TNRC6A: variants seen among roughly 807,000 people sequenced by gnomAD.
TNRC6A encodes trinucleotide repeat-containing gene 6A protein.
Under a neutral mutation model 221.2 loss-of-function variants are expected in TNRC6A, and 44 were observed. The observed-to-expected ratio is 0.20, with a 90% CI of 0.16 to 0.26. The LOEUF (loss-of-function observed/expected upper bound fraction) is 0.26, where lower values mean the gene tolerates loss of function less well. TNRC6A is among the 10% of genes least tolerant of loss of function. The probability of loss-of-function intolerance (pLI) is 1.00; values close to 1 mark genes in which losing one functional copy is unlikely to be tolerated. For missense variants in TNRC6A, 2,199 were observed against 2,404.4 expected, an observed-to-expected ratio of 0.91 and a Z score of 1.79; for synonymous variants, 847 against 838.5, an observed-to-expected ratio of 1.01 and a Z score of -0.18.
rs754042982 is a variant in TNRC6A, at chr16:24,789,397, A to G, written c.755A>G (p.Glu252Gly). 1.2e-6 allele frequency: 2 copies of G among 1,614,150 alleles called. No homozygotes were observed. Among genetic ancestry groups the G allele is most frequent in the Non-Finnish European group, 1.7e-6 (2 of 1,180,052 alleles). Residue 252 changes from glutamate (E) to glycine (G), a missense_variant, in exon 6 of 25, where the codon GAA (glutamate) becomes GGA (glycine). Transcript: ENST00000395799. ...GGCAGTGATCCGGAGTTGGCTTCAG[A>G]ATGTATGGATGCTGATTCTGCCTCC... Reference protein sequence around the residue: ...APGSDPELASECMDADSASSS... With the variant: ...APGSDPELASGCMDADSASSS...
upstream of TNRC6A, among the ~76,000 whole-genome samples, chr16:24,726,211 G>A (rs1239830229): frequency 6.6e-6 from 1 of 152,074 alleles, no homozygotes; most frequent in Non-Finnish European, 1.5e-5. Context: ...TGCATTCAGA[G>A]AGTACTTAAA....
At chr16:24,730,918 C>A (rs957131647) in intron 2 of TNRC6A, among the ~76,000 whole-genome samples, 3 of 151,844 alleles carry the variant, frequency 2.0e-5, no homozygotes, top group Non-Finnish European at 4.4e-5. Flanking sequence ...AATCTTTTCT[C>A]CAGAAGAGGT....
intron 4 of TNRC6A, among the ~76,000 whole-genome samples, chr16:24,758,736 C>T (rs2057302694): frequency 6.6e-6 from 1 of 152,108 alleles, no homozygotes; most frequent in South Asian, 2.1e-4. Flanking sequence ...AGTTCTGCCT[C>T]CTTTATTTCT....
rs761772695 is a variant in TNRC6A at position 24,822,135 on chromosome 16, C to T, written c.5361C>T (p.Asn1787=). The stretch of plus-strand genomic sequence containing the variant: ...TAACAAATTGGCTTGTTCTAAAAAA[C>T]CTTACACCTCAGGTAAGGATACCAG... The part of the protein sequence containing the change: ...GRITNWLVLK[N]LTPQIDGSTL... Residue 1787 remains asparagine, a synonymous_variant, in exon 23 of 25, where the codon AAC becomes AAT. Coordinates refer to ENST00000395799, the MANE Select transcript of TNRC6A (RefSeq NM_014494.4). 2.5e-6 allele frequency: 4 copies of T among 1,613,968 alleles called. No homozygotes were observed. The highest frequency in any genetic ancestry group is 3.4e-6 in the Non-Finnish European group (4 of 1,179,998).
intron 11 of TNRC6A, among the ~76,000 whole-genome samples, chr16:24,802,685 C>A (rs1167779967): frequency 2.6e-5 from 4 of 152,028 alleles, no homozygotes; most frequent in African/African-American, 9.7e-5. Context: ...CTGCTGATAC[C>A]CTGATAGTGA....
In TNRC6A at chr16:24,790,353, G is replaced by A. The variant is rs2058071581; in HGVS notation, c.1711G>A (p.Gly571Ser). ...CTTTCAAGTTAACACAAACAAAGGA[G>A]GTGGTGTGTGGGAATCTGGTGCAGC... is the stretch of plus-strand genomic sequence containing the variant. ...TNFQVNTNKG[G>S]GVWESGAANS... Residue 571 changes from glycine (G) to serine (S), a missense_variant, in exon 6 of 25, where the codon GGT (glycine) becomes AGT (serine). Physicochemically the swap from Gly to Ser is moderately conservative, Grantham distance 56. This residue lies in a region of TNRC6A where 1,405 missense variants were observed against 1,400.2 expected (regional missense o/e 1.00). Transcript: ENST00000395799. 1 of 1,614,224 alleles carries A rather than the reference G, an allele frequency of 6.2e-7. No individual in the cohort carries two copies. The highest frequency in any genetic ancestry group is 1.1e-5 in the South Asian group (1 of 91,090).
chr16:24,664,394 C>A (rs2055100477), intron 2 of TNRC6A, among the ~76,000 whole-genome samples: 1 of 142,188 alleles, frequency 7.0e-6, no homozygotes, highest in Non-Finnish European at 1.5e-5. Flanking sequence ...TTAATAAATT[C>A]ATATTATAAA....
chr16:24,724,526 A>C (rs1166083350), intron 2 of TNRC6A, among the ~76,000 whole-genome samples: 1 of 152,116 alleles, frequency 6.6e-6, no homozygotes, highest in Non-Finnish European at 1.5e-5. Flanking sequence ...CAGGCGGATC[A>C]CCTGAGCTCA....
intron 5 of TNRC6A, among the ~76,000 whole-genome samples, chr16:24,783,401 T>G (rs1037660077): frequency 6.6e-6 from 1 of 152,232 alleles, no homozygotes; most frequent in Non-Finnish European, 1.5e-5. Flanking sequence ...AGTGCTGGGA[T>G]TACAGGCATG....
intron 1 of TNRC6A, among the ~76,000 whole-genome samples, chr16:24,634,061 C>T (rs1901494911): frequency 6.6e-6 from 1 of 152,120 alleles, no homozygotes; most frequent in Non-Finnish European, 1.5e-5. Flanking sequence ...GCATGACAGG[C>T]GTGAGCCACT....
intron 2 of TNRC6A, chr16:24,663,971 A>G (rs968212857): frequency 2.2e-6 from 1 of 456,668 alleles, no homozygotes; most frequent in Non-Finnish European, 4.4e-6. Context: ...TGAGATGTGC[A>G]GGGTTTAACC....
intron 4 of TNRC6A, among the ~76,000 whole-genome samples, chr16:24,764,783 T>A (rs1387855030): frequency 4.6e-5 from 7 of 152,188 alleles, no homozygotes; most frequent in African/African-American, 1.7e-4. Flanking sequence ...AGAGAATCTG[T>A]TCCAAGCCTC....
intron 2 of TNRC6A, among the ~76,000 whole-genome samples, chr16:24,667,159 T>C (rs891085340): frequency 6.6e-6 from 1 of 152,146 alleles, no homozygotes; most frequent in African/African-American, 2.4e-5. Context: ...CTTTACTGCT[T>C]ATGAGTCCAT....
chr16:24,816,620 A>G (rs907866785), intron 19 of TNRC6A, 196 bp from the exon 20 acceptor site: 4 of 620,962 alleles, frequency 6.4e-6, no homozygotes, highest in Non-Finnish European at 1.0e-5. Context: ...TCAGTTGTAA[A>G]AACTTGCAAG....
At chr16:24,669,444 G>A (rs2141982803) in intron 2 of TNRC6A, among the ~76,000 whole-genome samples, 1 of 151,626 alleles carries the variant, frequency 6.6e-6, no homozygotes, top group Non-Finnish European at 1.5e-5. Context: ...AGCTCAGATT[G>A]CAACACTGCA....
At chr16:24,730,942 G>A (rs1270900456) in intron 2 of TNRC6A, among the ~76,000 whole-genome samples, 3 of 150,276 alleles carry the variant, frequency 2.0e-5, no homozygotes, top group Admixed American at 6.7e-5. Flanking sequence ...CGTTCCTGTT[G>A]GGCCCTGCTG....
At chr16:24,817,869 G>A (rs73551557) in intron 20 of TNRC6A, among the ~76,000 whole-genome samples, 7 of 152,252 alleles carry the variant, frequency 4.6e-5, no homozygotes, top group African/African-American at 1.7e-4. Flanking sequence ...AAATTCTCAT[G>A]GCGTGGGAGT....
At chr16:24,738,178 T>G (rs966693560) in intron 2 of TNRC6A, among the ~76,000 whole-genome samples, 5 of 152,208 alleles carry the variant, frequency 3.3e-5, no homozygotes, top group Non-Finnish European at 7.3e-5. Context: ...TGTTTTTTGC[T>G]CAGCTTATCA....
chr16:24,617,956 A>C (rs1388310037), intron 1 of TNRC6A, among the ~76,000 whole-genome samples: 1 of 152,212 alleles, frequency 6.6e-6, no homozygotes, highest in East Asian at 1.9e-4. Flanking sequence ...GCTGGAATGC[A>C]GTGGCATGAT....
Sources: allele counts gnomAD v4.1 joint callset (sites outside exome capture counted in the v4.1 genomes callset), GRCh38; gene constraint gnomAD v4.1.1; regional missense constraint gnomAD v4.1.1; transcripts MANE v1.5; gene names NCBI Gene and HGNC (gene_info 2026-07-23, HGNC 2026-07-21).